The following BCR variants were observed in gnomAD, a reference collection of about 807,000 sequenced individuals.
BCR encodes BCR activator of RhoGEF and GTPase.
A neutral mutation model predicts 138.6 loss-of-function variants in BCR; 58 were observed. That is an observed-to-expected ratio of 0.42 (90% confidence interval 0.34 to 0.52). The LOEUF (loss-of-function observed/expected upper bound fraction) is 0.52. BCR is among the 20% of genes least tolerant of loss of function. BCR has a pLI of 0.06. For synonymous variants in BCR, 786 were observed against 730.1 expected, an observed-to-expected ratio of 1.08 and a Z score of -1.23; for missense variants, 1,599 against 1,727.2, an observed-to-expected ratio of 0.93 and a Z score of 1.32.
intron 1 of BCR, among the ~76,000 whole-genome samples, chr22:23,206,802 A>C (rs1431335814): frequency 6.7e-6 from 1 of 149,524 alleles, no homozygotes; most frequent in African/African-American, 2.6e-5. Context: ...CCATCTATTC[A>C]TCATCAATCC....
chr22:23,192,751 G>T (rs770855853), intron 1 of BCR, among the ~76,000 whole-genome samples: 1 of 152,208 alleles, frequency 6.6e-6, no homozygotes, highest in Non-Finnish European at 1.5e-5. Flanking sequence ...CAACAGTCAA[G>T]GGCTGTGAAT....
At position 23,285,136 on chromosome 22, in the gene BCR, G is replaced by A. The variant is rs143418896; in HGVS notation, c.2341G>A (p.Asp781Asn). Residue 781 changes from aspartate (D) to asparagine (N), a missense_variant, in exon 10 of 23, where the codon GAT (aspartate) becomes AAT (asparagine). Coordinates refer to ENST00000305877, the MANE Select transcript of BCR (RefSeq NM_004327.4). ...AGTGCCCAACATCCCCCTGGTGCCC[G>A]ATGAGGAGCTGGACGCTTTGAAGAT... ...EAVPNIPLVP[D>N]EELDALKIKI... The A allele has an allele frequency of 9.9e-6, 16 of 1,613,872 alleles. No individual in the cohort carries two copies. Among genetic ancestry groups the A allele is most frequent in the East Asian group, 2.2e-5 (1 of 44,896 alleles).
At chr22:23,229,979 C>CA (rs1411574920) in intron 1 of BCR, among the ~76,000 whole-genome samples, 6 of 151,558 alleles carry the variant, frequency 4.0e-5, no homozygotes, top group African/African-American at 1.5e-4. Flanking sequence ...TGGATAAAGC[C>CA]AAAAGAGTTC....
Position 23,315,414 on chromosome 22 carries a change from C to G in BCR, c.3727-19C>G. ...CCCCGCTCTGAGCCACTCTTCTCTTCCCTACTCTGCCCGGGCAGGTCCAGG... is the reference window on the plus strand; with the variant it reads ...CCCCGCTCTGAGCCACTCTTCTCTTGCCTACTCTGCCCGGGCAGGTCCAGG... On this transcript the variant is annotated intron_variant, in intron 22 of 22. Transcript: ENST00000305877. The G allele has an allele frequency of 1.2e-6, 2 of 1,612,744 alleles. No individual in the cohort carries two copies. Among genetic ancestry groups the G allele is most frequent in the South Asian group, 2.2e-5 (2 of 91,056 alleles).
chr22:23,225,858 C>G lies in BCR; in HGVS notation c.1280-27941C>G, dbSNP rs12167689. Among the ~76,000 whole-genome samples, 23 of 152,360 alleles carry G rather than the reference C, an allele frequency of 1.5e-4. 1 individual carries two copies. In the East Asian group the frequency reaches 4.4e-3, roughly 29 times the overall value. On this transcript the variant is annotated intron_variant, in intron 1 of 22. Coordinates refer to ENST00000305877, the MANE Select transcript of BCR (RefSeq NM_004327.4). ...TATTCATTTCGCACAGTCAGTGCAT[C>G]CCAGGGCCTGAAACACGCTTTGAGC...
chr22:23,310,052 C>A (rs1961133), intron 17 of BCR: 63 of 467,130 alleles, frequency 1.3e-4, no homozygotes, highest in African/African-American at 6.6e-4. Flanking sequence ...ACATTGCAAG[C>A]TCCTATATCT....
chr22:23,285,298 GC>G, intron 10 of BCR, 97 bp downstream of exon 10: 2 of 1,373,298 alleles, frequency 1.5e-6, no homozygotes, highest in Non-Finnish European at 2.0e-6. Context: ...AGGCCTCTGG[GC>G]CCCAGGTCTG....
At chr22:23,294,877 G>A (rs1057439690) in intron 15 of BCR, 147 bp from the exon 16 acceptor site, 8 of 1,037,904 alleles carry the variant, frequency 7.7e-6, no homozygotes, top group African/African-American at 3.2e-5. Flanking sequence ...ACTTCCATGT[G>A]TCCCAGGACT....
chr22:23,315,759 G>A lies in BCR; in HGVS notation c.*237G>A, dbSNP rs752326730. 82 of 597,242 alleles carry A rather than the reference G, an allele frequency of 1.4e-4. 1 individual carries two copies. Among genetic ancestry groups the A allele is most frequent in the South Asian group, 1.5e-4 (9 of 60,756 alleles). The allele number at this position is 597,242 out of a possible 1,614,324, so 37.0% of individuals were successfully genotyped here. A position where few individuals can be genotyped will look rare whatever the true frequency, so the allele number is the denominator to read the frequency against. On this transcript the variant is annotated 3_prime_UTR_variant, in exon 23 of 23. Coordinates refer to ENST00000305877, the MANE Select transcript of BCR (RefSeq NM_004327.4). ...GTTTTTTATGTGGCCACCTGAGGGC[G>A]CCCCAAGCCAGTTCATCTCGGAGTC...
At chr22:23,314,147 A>AC (rs1206157865) in intron 21 of BCR, 74 bp downstream of exon 21, 1 of 1,197,612 alleles carries the variant, frequency 8.3e-7, no homozygotes, top group South Asian at 1.2e-5. Flanking sequence ...CTCCCACTAG[A>AC]CCCCCAACAC....
Position 23,268,274 on chromosome 22 carries a change from G to C in BCR, c.1753-134G>C, listed in dbSNP as rs565376873. Reference sequence around the variant, plus strand: ...AGGTGGGAGGGAGCAGCACGGAAGCGCCGAGGCCTCTGCAGCCTGTGTGCC... The same window carrying C: ...AGGTGGGAGGGAGCAGCACGGAAGCCCCGAGGCCTCTGCAGCCTGTGTGCC... On this transcript the variant is annotated intron_variant, in intron 4 of 22. Coordinates refer to ENST00000305877, the MANE Select transcript of BCR (RefSeq NM_004327.4). The C allele has an allele frequency of 7.8e-5, 50 of 643,868 alleles. No individual in the cohort carries two copies. The Admixed American group carries it at 1.4e-3, about 18-fold the overall frequency. 39.9% of individuals were successfully genotyped at this position (643,868 alleles called of 1,614,324 possible).
At chr22:23,273,234 C>T (rs1377747684) in intron 7 of BCR, 101 bp downstream of exon 7, 37 of 1,320,104 alleles carry the variant, frequency 2.8e-5, no homozygotes, top group Non-Finnish European at 3.6e-5. Context: ...TAGCTGCAGC[C>T]AAGGGGGTGC....
intron 1 of BCR, among the ~76,000 whole-genome samples, chr22:23,234,534 T>C (rs2073000479): frequency 6.6e-6 from 1 of 151,682 alleles, no homozygotes; most frequent in Non-Finnish European, 1.5e-5. Context: ...ACACGGTGAG[T>C]GGGAGAAAGC....
intron 1 of BCR, among the ~76,000 whole-genome samples, chr22:23,205,393 C>G (rs546097376): frequency 6.6e-6 from 1 of 152,356 alleles, no homozygotes; most frequent in South Asian, 2.1e-4. Flanking sequence ...TTCTCCTCCT[C>G]TCACGGATCT....
chr22:23,299,696 A>ATT (rs1384749648), intron 16 of BCR, among the ~76,000 whole-genome samples: 1 of 58,948 alleles, frequency 1.7e-5, no homozygotes, highest in Non-Finnish European at 3.2e-5. Context: ...TCTAGAGTTT[A>ATT]TATATATATA....
intron 2 of BCR, among the ~76,000 whole-genome samples, chr22:23,258,440 G>A (rs778745505): frequency 2.6e-5 from 4 of 152,168 alleles, no homozygotes; most frequent in Non-Finnish European, 4.4e-5. Flanking sequence ...TGAACCTGCT[G>A]TCTATACCAT....
At chr22:23,264,369 C>T (rs1247270886) in intron 4 of BCR, 13 of 909,080 alleles carry the variant, frequency 1.4e-5, no homozygotes, top group Non-Finnish European at 2.4e-5. Flanking sequence ...ACCGTCAGGG[C>T]CACCCCTGCC....
intron 16 of BCR, among the ~76,000 whole-genome samples, chr22:23,305,629 T>G (rs1165844590): frequency 2.6e-5 from 4 of 152,142 alleles, no homozygotes; most frequent in African/African-American, 9.7e-5. Flanking sequence ...CTGGGATGGA[T>G]GTGCACGATA....
At chr22:23,185,783 C>A (rs753358876) in intron 1 of BCR, among the ~76,000 whole-genome samples, 3 of 151,146 alleles carry the variant, frequency 2.0e-5, no homozygotes, top group Non-Finnish European at 2.9e-5. Flanking sequence ...GGCTGGAGTG[C>A]AGCCCAGCGA....
Sources: allele counts gnomAD v4.1 joint callset (sites outside exome capture counted in the v4.1 genomes callset), GRCh38; gene constraint gnomAD v4.1.1; transcripts MANE v1.5; gene names NCBI Gene and HGNC (gene_info 2026-07-23, HGNC 2026-07-21).